ADGRL3: variants seen among roughly 807,000 people sequenced by gnomAD.
The protein encoded by ADGRL3 is calcium-independent alpha-latrotoxin receptor 3.
A neutral mutation model predicts 153.5 loss-of-function variants in ADGRL3; 62 were observed. The ratio of observed to expected loss-of-function variants is 0.40; its 90% CI spans 0.33 to 0.50. The LOEUF (loss-of-function observed/expected upper bound fraction) is 0.50. ADGRL3 is among the 20% of genes least tolerant of loss of function. The pLI, the probability that ADGRL3 is intolerant of heterozygous loss-of-function variation, is 0.47. For missense variants in ADGRL3, 1,641 were observed against 1,859.4 expected (o/e 0.88, Z 2.16); for synonymous variants, 710 against 672.5 (o/e 1.06, Z -0.86).
At position 62,077,178 on chromosome 4, in the gene ADGRL3, G is replaced by A. The variant is rs775940322; in HGVS notation, c.*6270G>A. On this transcript the variant is annotated 3_prime_UTR_variant, in exon 27 of 27. Coordinates refer to ENST00000683033, the MANE Select transcript of ADGRL3 (RefSeq NM_001387552.1). ...TCATTCTAGAATACTAAAGGAAAGCGTTTGAAAGAAGAGGAAAGTAAAGCA... is the reference window on the plus strand; with the variant it reads ...TCATTCTAGAATACTAAAGGAAAGCATTTGAAAGAAGAGGAAAGTAAAGCA... 1.3e-4 allele frequency: 20 copies of A among 151,996 alleles called. No homozygotes were observed. In the East Asian group the frequency reaches 1.4e-3, roughly 10 times the overall value. 9.4% of individuals were successfully genotyped at this position (151,996 alleles called of 1,614,324 possible). A position where few individuals can be genotyped will look rare whatever the true frequency, so the allele number is the denominator to read the frequency against.
intron 4 of ADGRL3, among the ~76,000 whole-genome samples, chr4:61,532,705 A>G (rs2098630589): frequency 6.6e-6 from 1 of 151,652 alleles, no homozygotes; most frequent in Admixed American, 6.6e-5. Flanking sequence ...GGCCTCAAAT[A>G]CAGAGTAAAA....
chr4:61,749,592 A>C (rs1475613890), intron 8 of ADGRL3, among the ~76,000 whole-genome samples: 1 of 152,218 alleles, frequency 6.6e-6, no homozygotes, highest in African/African-American at 2.4e-5. Context: ...CATCATTCTC[A>C]GTAAACTATC....
intron 8 of ADGRL3, among the ~76,000 whole-genome samples, chr4:61,746,141 C>T (rs546602154): frequency 1.6e-3 from 246 of 152,260 alleles, no homozygotes; most frequent in Non-Finnish European, 1.8e-3. Flanking sequence ...GAGATCAATT[C>T]AACAAGAAGA....
intron 2 of ADGRL3, among the ~76,000 whole-genome samples, chr4:61,462,875 A>C (rs939159587): frequency 2.0e-5 from 3 of 152,148 alleles, no homozygotes; most frequent in Admixed American, 2.0e-4. Flanking sequence ...CAATCCCTGC[A>C]TCAAAGAGAT....
At chr4:61,659,743 G>T (rs73825911) in intron 5 of ADGRL3, among the ~76,000 whole-genome samples, 4,105 of 152,064 alleles carry the variant, frequency 0.027, 125 homozygotes, top group East Asian at 0.12. Flanking sequence ...ATAAATGAAA[G>T]AAATTATAGC....
At chr4:61,537,121 A>C (rs946345744) in intron 4 of ADGRL3, among the ~76,000 whole-genome samples, 7 of 149,442 alleles carry the variant, frequency 4.7e-5, no homozygotes, top group African/African-American at 1.5e-4. Flanking sequence ...GAAAGACTTT[A>C]TCTCTCCGTT....
chr4:61,967,165 T>C (rs887495391), intron 17 of ADGRL3, among the ~76,000 whole-genome samples: 5 of 152,296 alleles, frequency 3.3e-5, no homozygotes, highest in African/African-American at 1.2e-4. Context: ...TAATTTTTCT[T>C]TCTGTCTTCT....
rs552788784 is a variant in ADGRL3, at chr4:62,076,146, T to C, written c.*5238T>C. 2 of 152,234 alleles carry C rather than the reference T, an allele frequency of 1.3e-5. No individual in the cohort carries two copies. Among genetic ancestry groups the C allele is most frequent in the African/African-American group, 2.4e-5 (1 of 41,554 alleles). 9.4% of individuals were successfully genotyped at this position (152,234 alleles called of 1,614,324 possible). A position where few individuals can be genotyped will look rare whatever the true frequency, so the allele number is the denominator to read the frequency against. ...TTTCGCATAATCTCATTGAAAGATA[T>C]TGCTATTCCTTCTTTATTTAAAAAA... is the stretch of plus-strand genomic sequence containing the variant. On this transcript the variant is annotated 3_prime_UTR_variant, in exon 27 of 27. Coordinates refer to ENST00000683033, the MANE Select transcript of ADGRL3 (RefSeq NM_001387552.1).
At chr4:61,291,779 CAG>C (rs1427381854) in intron 1 of ADGRL3, among the ~76,000 whole-genome samples, 1 of 149,134 alleles carries the variant, frequency 6.7e-6, no homozygotes, top group East Asian at 2.0e-4. Flanking sequence ...GCTGTTGAGA[CAG>C]AAGTATTAAT....
intron 5 of ADGRL3, among the ~76,000 whole-genome samples, chr4:61,656,172 A>G (rs937906954): frequency 3.9e-5 from 6 of 152,192 alleles, no homozygotes; most frequent in Admixed American, 3.9e-4. Context: ...GTAGACAATA[A>G]CACATATTTT....
chr4:61,227,619 C>T (rs770618879), intron 1 of ADGRL3, among the ~76,000 whole-genome samples: 18 of 149,040 alleles, frequency 1.2e-4, no homozygotes, highest in Non-Finnish European at 2.2e-4. Flanking sequence ...AACTGAGTGT[C>T]GAATTTTATA....
intron 9 of ADGRL3, among the ~76,000 whole-genome samples, chr4:61,843,212 T>A (rs2098060587): frequency 6.6e-6 from 1 of 152,292 alleles, no homozygotes; most frequent in East Asian, 1.9e-4. Context: ...AATGGTGATG[T>A]CATTTCTAAG....
chr4:61,458,017 A>G (rs1178369505), intron 2 of ADGRL3, among the ~76,000 whole-genome samples: 1 of 151,830 alleles, frequency 6.6e-6, no homozygotes, highest in African/African-American at 2.4e-5. Flanking sequence ...AGATATTGTG[A>G]AATGCCTTTT....
chr4:61,992,704 C>A (rs1489292536), intron 19 of ADGRL3, among the ~76,000 whole-genome samples: 1 of 151,884 alleles, frequency 6.6e-6, no homozygotes, highest in Non-Finnish European at 1.5e-5. Context: ...TCCATTTTAC[C>A]AAATAGATAT....
At chr4:61,828,273 A>G (rs1181055867) in intron 9 of ADGRL3, among the ~76,000 whole-genome samples, 1 of 152,194 alleles carries the variant, frequency 6.6e-6, no homozygotes, top group Non-Finnish European at 1.5e-5. Flanking sequence ...TTTGTTAGAT[A>G]AAACCATCCT....
At chr4:61,296,356 A>G (rs2094412209) in intron 1 of ADGRL3, among the ~76,000 whole-genome samples, 1 of 152,156 alleles carries the variant, frequency 6.6e-6, no homozygotes, top group African/African-American at 2.4e-5. Context: ...GGTTAACTGA[A>G]AGTCTGGGGA....
At chr4:61,215,054 C>T (rs1056284967) in intron 1 of ADGRL3, among the ~76,000 whole-genome samples, 1 of 152,150 alleles carries the variant, frequency 6.6e-6, no homozygotes, top group Non-Finnish European at 1.5e-5. Flanking sequence ...TCCAGTAATG[C>T]TGGTACCTAC....
intron 2 of ADGRL3, among the ~76,000 whole-genome samples, chr4:61,451,530 A>C (rs2097673635): frequency 6.6e-6 from 1 of 152,178 alleles, no homozygotes. Context: ...TTATTAATAC[A>C]TTACACAAAA....
intron 1 of ADGRL3, among the ~76,000 whole-genome samples, chr4:61,234,521 T>C (rs1055993530): frequency 1.3e-5 from 2 of 152,020 alleles, no homozygotes; most frequent in African/African-American, 4.8e-5. Context: ...TTTAAATTTC[T>C]AGGAGGAAGC....
Sources: allele counts gnomAD v4.1 joint callset (sites outside exome capture counted in the v4.1 genomes callset), GRCh38; gene constraint gnomAD v4.1.1; transcripts MANE v1.5; gene names NCBI Gene and HGNC (gene_info 2026-07-23, HGNC 2026-07-21).